Variants in KIAA1328 observed in about 807,000 individuals in gnomAD.
KIAA1328 encodes the protein protein hinderin.
A neutral mutation model predicts 68.1 loss-of-function variants in KIAA1328; 52 were observed. That is an observed-to-expected ratio of 0.76 (90% CI 0.61 to 0.96). KIAA1328 has a LOEUF of 0.96. Among genes scored for constraint, KIAA1328 ranks in the 40% least tolerant of loss-of-function variants. KIAA1328 has a pLI of 0.00. For missense variants in KIAA1328, 641 were observed against 677.6 expected (o/e 0.95, Z 0.60); for synonymous variants, 232 against 239.4 (o/e 0.97, Z 0.28).
chr18:37,168,333 A>G (rs1282693010), intron 8 of KIAA1328, among the ~76,000 whole-genome samples: 3 of 152,246 alleles, frequency 2.0e-5, no homozygotes, highest in African/African-American at 7.2e-5. Flanking sequence ...ACACGTAATT[A>G]CAAGGAGGAT....
chr18:37,011,156 G>A (rs1461135735), intron 6 of KIAA1328, among the ~76,000 whole-genome samples: 1 of 152,102 alleles, frequency 6.6e-6, no homozygotes, highest in African/African-American at 2.4e-5. Context: ...GAAACCGTAT[G>A]TTAGTAAAAG....
intron 4 of KIAA1328, among the ~76,000 whole-genome samples, chr18:36,849,228 G>GC (rs2037388490): frequency 1.3e-5 from 2 of 151,740 alleles, no homozygotes; most frequent in Non-Finnish European, 2.9e-5. Context: ...ACTTTCTATA[G>GC]CCATGAATTT....
At chr18:36,973,599 T>G (rs1439438432) in intron 6 of KIAA1328, among the ~76,000 whole-genome samples, 2 of 152,158 alleles carry the variant, frequency 1.3e-5, no homozygotes, top group African/African-American at 4.8e-5. Flanking sequence ...ACACTCCATT[T>G]AAAATTGTGC....
At chr18:37,116,669 A>G (rs2058117773) in intron 7 of KIAA1328, among the ~76,000 whole-genome samples, 1 of 152,202 alleles carries the variant, frequency 6.6e-6, no homozygotes, top group Non-Finnish European at 1.5e-5. Flanking sequence ...ATGGGATCTA[A>G]TTAAACTAAA....
At chr18:37,200,386 A>G (rs1157686365) in intron 9 of KIAA1328, among the ~76,000 whole-genome samples, 2 of 152,252 alleles carry the variant, frequency 1.3e-5, no homozygotes, top group African/African-American at 2.4e-5. Flanking sequence ...TATCCAGTGT[A>G]TAGCATTTTA....
chr18:37,042,504 T>A (rs1234097004), intron 6 of KIAA1328, among the ~76,000 whole-genome samples: 1 of 152,220 alleles, frequency 6.6e-6, no homozygotes, highest in African/African-American at 2.4e-5. Flanking sequence ...GAAGGTTAGT[T>A]TTGCTGGATA....
At chr18:37,072,822 G>T (rs150970221) in intron 7 of KIAA1328, among the ~76,000 whole-genome samples, 1 of 151,970 alleles carries the variant, frequency 6.6e-6, no homozygotes, top group Non-Finnish European at 1.5e-5. Context: ...CCCTGTGTCC[G>T]TGTGTTCTCA....
At position 37,098,923 on chromosome 18, in the gene KIAA1328, C is replaced by T. The variant is rs530431592; in HGVS notation, c.1232+31378C>T. Among the ~76,000 whole-genome samples, 12 of 151,948 alleles carry T rather than the reference C, an allele frequency of 7.9e-5. No individual in the cohort carries two copies. The East Asian group carries it at 2.1e-3, about 27-fold the overall frequency. ...TTTCTGTGGGATCGGTGGCAATATC[C>T]CCTTGGTCATTTTTTATTGCATCTA... On this transcript the variant is annotated intron_variant, in intron 7 of 9. Coordinates refer to ENST00000280020, the MANE Select transcript of KIAA1328 (RefSeq NM_020776.3).
chr18:36,951,033 C>T (rs1293348405), intron 5 of KIAA1328, among the ~76,000 whole-genome samples: 3 of 152,202 alleles, frequency 2.0e-5, no homozygotes, highest in African/African-American at 4.8e-5. Flanking sequence ...GCACTGGACA[C>T]AGTCGACTTC....
At chr18:36,900,109 C>G (rs531507685) in intron 5 of KIAA1328, among the ~76,000 whole-genome samples, 20 of 151,942 alleles carry the variant, frequency 1.3e-4, no homozygotes, top group African/African-American at 3.6e-4. Context: ...CTTAGCCTCT[C>G]TCCGAAAAAA....
chr18:37,102,781 G>T (rs1164076964), intron 7 of KIAA1328, among the ~76,000 whole-genome samples: 1 of 152,150 alleles, frequency 6.6e-6, no homozygotes, highest in African/African-American at 2.4e-5. Flanking sequence ...AAAAGAGGAA[G>T]TCAAATATTC....
intron 4 of KIAA1328, among the ~76,000 whole-genome samples, chr18:36,863,334 C>T (rs1396668605): frequency 6.6e-6 from 1 of 151,876 alleles, no homozygotes; most frequent in Non-Finnish European, 1.5e-5. Context: ...CAGAAATTGG[C>T]ATATTCATAT....
chr18:37,058,625 T>C (rs1344756017), intron 6 of KIAA1328, among the ~76,000 whole-genome samples: 1 of 151,884 alleles, frequency 6.6e-6, no homozygotes, highest in African/African-American at 2.4e-5. Context: ...GGCAAGAGAA[T>C]TGCTTGAACC....
intron 7 of KIAA1328, among the ~76,000 whole-genome samples, chr18:37,095,509 A>T (rs1421948492): frequency 6.6e-6 from 1 of 152,210 alleles, no homozygotes. Flanking sequence ...ATTAAGAAGG[A>T]TATAAATTCT....
At chr18:36,994,263 G>C (rs1029477084) in intron 6 of KIAA1328, among the ~76,000 whole-genome samples, 2 of 152,148 alleles carry the variant, frequency 1.3e-5, no homozygotes, top group Non-Finnish European at 2.9e-5. Context: ...CTTCAAGCTA[G>C]TCTAAAGGAA....
intron 4 of KIAA1328, among the ~76,000 whole-genome samples, chr18:36,880,748 A>C (rs983706019): frequency 2.0e-5 from 3 of 152,064 alleles, no homozygotes; most frequent in Non-Finnish European, 4.4e-5. Context: ...AGATTGAGGT[A>C]GTTTCTCCTG....
intron 5 of KIAA1328, among the ~76,000 whole-genome samples, chr18:36,938,142 G>A (rs563631660): frequency 2.9e-4 from 44 of 152,242 alleles, no homozygotes; most frequent in African/African-American, 9.6e-4. Context: ...GGAACACATA[G>A]CAATTCTATT....
At chr18:37,093,599 C>CA (rs1425604262) in intron 7 of KIAA1328, among the ~76,000 whole-genome samples, 5 of 151,728 alleles carry the variant, frequency 3.3e-5, no homozygotes, top group African/African-American at 7.3e-5. Context: ...CCCAGTCAGA[C>CA]AAAAAAGAAA....
chr18:36,834,889 C>T (rs1240839641), intron 2 of KIAA1328, among the ~76,000 whole-genome samples: 1 of 152,048 alleles, frequency 6.6e-6, no homozygotes, highest in Non-Finnish European at 1.5e-5. Context: ...TTCAGTTAAG[C>T]TGGATGTGGT....
Sources: gnomAD v4.1 joint callset for allele counts (sites outside exome capture counted in the v4.1 genomes callset) on GRCh38, gnomAD v4.1.1 for gene constraint, MANE v1.5 for transcripts, NCBI Gene and HGNC (gene_info 2026-07-23, HGNC 2026-07-21) for gene names.